The following CDK14 variants were observed in gnomAD, a reference collection of about 807,000 sequenced individuals.
CDK14 encodes the protein cyclin dependent kinase 14, also known as cyclin-dependent kinase 14.
A neutral mutation model predicts 60.7 loss-of-function variants in CDK14; 34 were observed. The observed-to-expected ratio is 0.56, with a 90% CI of 0.43 to 0.75. The LOEUF (loss-of-function observed/expected upper bound fraction) is 0.75. Among genes scored for constraint, CDK14 ranks in the 30% least tolerant of loss-of-function variants. The probability of loss-of-function intolerance (pLI) is 0.00; values close to 1 mark genes in which losing one functional copy is unlikely to be tolerated. For missense variants in CDK14, 482 were observed against 564.1 expected (o/e 0.85, Z 1.47); for synonymous variants, 197 against 203.7 (o/e 0.97, Z 0.28).
intron 14 of CDK14, among the ~76,000 whole-genome samples, chr7:91,122,389 G>A (rs1184834706): frequency 2.0e-5 from 3 of 152,148 alleles, no homozygotes; most frequent in Admixed American, 2.0e-4. Flanking sequence ...TTAATTAAAT[G>A]AGATAAAGAT....
intron 14 of CDK14, among the ~76,000 whole-genome samples, chr7:91,126,111 T>C (rs1446076187): frequency 2.6e-5 from 4 of 152,220 alleles, no homozygotes; most frequent in Non-Finnish European, 1.5e-5. Flanking sequence ...CCTAGAGTTG[T>C]GATACATTGC....
At chr7:91,108,896 A>G (rs1219797490) in intron 12 of CDK14, among the ~76,000 whole-genome samples, 2 of 152,148 alleles carry the variant, frequency 1.3e-5, no homozygotes, top group East Asian at 1.9e-4. Flanking sequence ...GGTGCAACTT[A>G]AAAGAGAAGA....
intron 10 of CDK14, among the ~76,000 whole-genome samples, chr7:91,020,224 G>A (rs190504674): frequency 6.6e-6 from 1 of 152,240 alleles, no homozygotes; most frequent in Admixed American, 6.5e-5. Flanking sequence ...TATGGCAGAG[G>A]GTTTAGTTAT....
intron 2 of CDK14, among the ~76,000 whole-genome samples, chr7:90,676,018 T>G (rs1801191821): frequency 6.6e-6 from 1 of 152,138 alleles, no homozygotes. Flanking sequence ...CTAAGAATAA[T>G]CATTATGTAG....
intron 2 of CDK14, among the ~76,000 whole-genome samples, chr7:90,635,951 A>G (rs1310990876): frequency 1.3e-5 from 2 of 151,930 alleles, no homozygotes; most frequent in African/African-American, 4.9e-5. Flanking sequence ...TTACTGATGT[A>G]TAAGAATGCT....
At chr7:90,823,377 C>T (rs17163263) in intron 5 of CDK14, among the ~76,000 whole-genome samples, 1 of 152,066 alleles carries the variant, frequency 6.6e-6, no homozygotes, top group South Asian at 2.1e-4. Flanking sequence ...AAATAATTTC[C>T]CATTGAATCT....
chr7:91,173,933 C>G (rs1446199067), intron 14 of CDK14, among the ~76,000 whole-genome samples: 1 of 152,224 alleles, frequency 6.6e-6, no homozygotes, highest in African/African-American at 2.4e-5. Context: ...AGCCAGGAAG[C>G]TCCAACTGGG....
intron 11 of CDK14, among the ~76,000 whole-genome samples, chr7:91,062,784 T>C (rs1797847957): frequency 6.6e-6 from 1 of 152,140 alleles, no homozygotes. Context: ...AAAGGTGTAC[T>C]ATACCCCACT....
At chr7:90,768,365 G>C (rs960244756) in intron 4 of CDK14, among the ~76,000 whole-genome samples, 1 of 152,146 alleles carries the variant, frequency 6.6e-6, no homozygotes, top group African/African-American at 2.4e-5. Context: ...ATATATATTT[G>C]TGCACATGTG....
intron 8 of CDK14, among the ~76,000 whole-genome samples, chr7:90,922,073 G>C (rs1562829401): frequency 6.6e-6 from 1 of 152,008 alleles, no homozygotes; most frequent in Non-Finnish European, 1.5e-5. Flanking sequence ...CATAGCCTCT[G>C]GATAAAAGCT....
At position 90,702,154 on chromosome 7, in the gene CDK14, G is replaced by C. The variant is rs1027097473; in HGVS notation, c.124-24413G>C. On this transcript the variant is annotated intron_variant, in intron 2 of 14. Transcript: ENST00000380050. ...CCAGGAAGAGAGAAAAAATGTGCTG[G>C]CCATTCCAAACAATTCGGTTCTACT... Among the ~76,000 whole-genome samples the C allele has an allele frequency of 9.2e-5, 14 of 152,258 alleles. No homozygotes were observed. In the East Asian group the frequency reaches 2.5e-3, roughly 27 times the overall value.
intron 8 of CDK14, among the ~76,000 whole-genome samples, chr7:90,921,979 C>T (rs192936988): frequency 1.3e-5 from 2 of 152,278 alleles, no homozygotes; most frequent in African/African-American, 4.8e-5. Context: ...TTGTCATATG[C>T]TTCTCTGAAT....
intron 2 of CDK14, among the ~76,000 whole-genome samples, chr7:90,644,281 C>G (rs563005848): frequency 6.6e-6 from 1 of 152,254 alleles, no homozygotes; most frequent in South Asian, 2.1e-4. Context: ...CCTGAGCAGA[C>G]GAAAACAGTC....
intron 14 of CDK14, among the ~76,000 whole-genome samples, chr7:91,149,100 C>T (rs767673503): frequency 1.3e-5 from 2 of 152,020 alleles, no homozygotes; most frequent in Admixed American, 6.6e-5. Context: ...TTGCAATATA[C>T]AAGCAAAAGG....
intron 8 of CDK14, among the ~76,000 whole-genome samples, chr7:90,943,694 C>G (rs1794006547): frequency 6.6e-6 from 1 of 152,148 alleles, no homozygotes; most frequent in East Asian, 1.9e-4. Context: ...TTACTTCTTA[C>G]CCCCTAAAGG....
intron 9 of CDK14, among the ~76,000 whole-genome samples, chr7:90,971,393 G>A (rs753003065): frequency 3.3e-4 from 50 of 152,018 alleles, no homozygotes; most frequent in Non-Finnish European, 5.7e-4. Context: ...GGCTTCACCC[G>A]GTGGTAATTA....
chr7:91,002,653 G>A (rs1029964908), intron 10 of CDK14, among the ~76,000 whole-genome samples: 1 of 152,132 alleles, frequency 6.6e-6, no homozygotes, highest in Non-Finnish European at 1.5e-5. Flanking sequence ...TCACCTTCAG[G>A]GATCTCACAG....
rs535646067 is a variant in CDK14 at position 90,828,514 on chromosome 7, T to A, written c.545-34661T>A. On this transcript the variant is annotated intron_variant, in intron 5 of 14. Coordinates refer to ENST00000380050, the MANE Select transcript of CDK14 (RefSeq NM_001287135.2). ...AACTTCTCATTGAATTCTCTATTTG[T>A]TTAATATTTTTTTTCCCTATTGGTT... Among the ~76,000 whole-genome samples the A allele has an allele frequency of 5.3e-5, 4 of 75,410 alleles. No homozygotes were observed. The East Asian group carries it at 3.1e-3, about 59-fold the overall frequency. 49.5% of individuals were successfully genotyped at this position (75,410 alleles called of 152,430 possible).
intron 7 of CDK14, among the ~76,000 whole-genome samples, chr7:90,915,812 C>T (rs1385528747): frequency 6.6e-6 from 1 of 152,112 alleles, no homozygotes; most frequent in Non-Finnish European, 1.5e-5. Flanking sequence ...AATAGTAGTA[C>T]CTACTTCATT....
Sources: gnomAD v4.1 joint callset for allele counts (sites outside exome capture counted in the v4.1 genomes callset) on GRCh38, gnomAD v4.1.1 for gene constraint, MANE v1.5 for transcripts, NCBI Gene and HGNC (gene_info 2026-07-23, HGNC 2026-07-21) for gene names.